SYNE1: variants seen among roughly 807,000 people sequenced by gnomAD.
The protein encoded by SYNE1 is nesprin-1.
A neutral mutation model predicts 1,111.0 loss-of-function variants in SYNE1; 616 were observed. The ratio of observed to expected loss-of-function variants is 0.55; its 90% CI spans 0.52 to 0.59. The LOEUF is 0.59. Among genes scored for constraint, SYNE1 ranks in the 20% least tolerant of loss-of-function variants. The pLI, the probability that SYNE1 is intolerant of heterozygous loss-of-function variation, is 0.00. For missense variants in SYNE1, 10,006 were observed against 10,417.0 expected, an observed-to-expected ratio of 0.96 and a Z score of 1.72; for synonymous variants, 3,855 against 3,825.8, an observed-to-expected ratio of 1.01 and a Z score of -0.28.
chr6:152,396,740 G>A (rs1171500476), intron 50 of SYNE1, 35 bp downstream of exon 50: 1 of 1,578,180 alleles, frequency 6.3e-7, no homozygotes, highest in Non-Finnish European at 8.7e-7. Context: ...CACACTTGGT[G>A]TATGATGAAA....
rs1313738847 is a variant in SYNE1 at position 152,316,958 on chromosome 6, T to G, written c.16601A>C (p.Glu5534Ala). The change falls in exon 87 of 146, where the codon GAA becomes GCA. Residue 5534 changes from glutamate to alanine, a missense_variant. Around this residue, in one of 7 missense-constraint regions of SYNE1, gnomAD observed 4,955 missense variants for 5,017.2 expected, o/e 0.99. Coordinates refer to ENST00000367255, the MANE Select transcript of SYNE1 (RefSeq NM_182961.4). ...CCACTTCAAAATTAATTCAAGCATT[T>G]CATTGTATTCTTCTAAATGTGATGC... ...QAASHLEEYN[E>A]MLELILKWIE... 5 of 1,614,006 alleles carry G rather than the reference T, an allele frequency of 3.1e-6. No homozygotes were observed. In the East Asian group the frequency reaches 1.1e-4, roughly 36 times the overall value.
chr6:152,269,333 C>A (rs778061592), intron 98 of SYNE1, 47 bp from the exon 99 acceptor site: 1 of 1,613,038 alleles, frequency 6.2e-7, no homozygotes, highest in Non-Finnish European at 8.5e-7. Flanking sequence ...CACCGGAAAA[C>A]CTTAACCAAA....
chr6:152,447,287 A>T (rs1045608016), intron 29 of SYNE1, among the ~76,000 whole-genome samples, 171 bp downstream of exon 29: 2 of 152,306 alleles, frequency 1.3e-5, no homozygotes, highest in East Asian at 3.9e-4. Context: ...CATACATCAA[A>T]CATCCTCTTC....
chr6:152,250,134 C>T (rs998248126), intron 104 of SYNE1, among the ~76,000 whole-genome samples: 4 of 151,814 alleles, frequency 2.6e-5, no homozygotes, highest in African/African-American at 9.7e-5. Context: ...GACACAGTGG[C>T]ATGCCTGTAG....
At chr6:152,426,393 C>G (rs1416672775) in intron 38 of SYNE1, among the ~76,000 whole-genome samples, 1 of 152,138 alleles carries the variant, frequency 6.6e-6, no homozygotes, top group Non-Finnish European at 1.5e-5. Flanking sequence ...ATGCTGGGTA[C>G]AAGGGAAAGA....
chr6:152,329,113 A>C (rs2096173973), intron 78 of SYNE1, among the ~76,000 whole-genome samples: 1 of 152,250 alleles, frequency 6.6e-6, no homozygotes, highest in Non-Finnish European at 1.5e-5. Context: ...AATATTAATT[A>C]TGTTACTAAT....
chr6:152,475,272 A>G (rs1375939494), intron 14 of SYNE1, among the ~76,000 whole-genome samples: 4 of 152,218 alleles, frequency 2.6e-5, no homozygotes, highest in African/African-American at 9.6e-5. Context: ...TTATGTCCCA[A>G]TAAAACTCAT....
At chr6:152,314,675 A>G (rs1295993161) in intron 87 of SYNE1, among the ~76,000 whole-genome samples, 2 of 152,120 alleles carry the variant, frequency 1.3e-5, no homozygotes, top group Non-Finnish European at 1.5e-5. Context: ...TGTTTGTTGA[A>G]TAAATAAACA....
intron 101 of SYNE1, 105 bp from the exon 102 acceptor site, chr6:152,256,870 G>T: frequency 6.5e-7 from 1 of 1,537,510 alleles, no homozygotes; most frequent in Non-Finnish European, 8.9e-7. Flanking sequence ...CTGTCCATAT[G>T]AAAATTTCTT....
chr6:152,223,920 C>T (rs1257576563), intron 117 of SYNE1, among the ~76,000 whole-genome samples: 1 of 152,090 alleles, frequency 6.6e-6, no homozygotes, highest in Non-Finnish European at 1.5e-5. Context: ...TGACCTGAGA[C>T]AGGAGAGAGT....
intron 3 of SYNE1, among the ~76,000 whole-genome samples, chr6:152,560,244 T>C (rs766297352): frequency 2.0e-5 from 3 of 152,118 alleles, no homozygotes; most frequent in Non-Finnish European, 4.4e-5. Context: ...CATGCACCTA[T>C]AGTCCCAGCT....
chr6:152,241,139 A>G (rs2085536112), intron 107 of SYNE1, among the ~76,000 whole-genome samples: 1 of 152,166 alleles, frequency 6.6e-6, no homozygotes, highest in African/African-American at 2.4e-5. Context: ...ATTTATACTC[A>G]TTGATCCTAG....
intron 133 of SYNE1, 21 bp from the exon 134 acceptor site, chr6:152,152,162 A>G: frequency 6.2e-7 from 1 of 1,612,144 alleles, no homozygotes; most frequent in East Asian, 2.2e-5. Context: ...AGAGAAGCAT[A>G]TCAGTGTGAG....
At chr6:152,359,227 C>A in intron 65 of SYNE1, 88 bp downstream of exon 65, 1 of 1,571,710 alleles carries the variant, frequency 6.4e-7, no homozygotes, top group Non-Finnish European at 8.7e-7. Context: ...CCAAGCCTGT[C>A]ATTCTTGAAC....
intron 55 of SYNE1, among the ~76,000 whole-genome samples, chr6:152,382,163 A>G (rs2097429635): frequency 6.6e-6 from 1 of 152,178 alleles, no homozygotes; most frequent in South Asian, 2.1e-4. Context: ...CTCTTACTAA[A>G]ATTTTTCTTG....
Position 152,330,964 on chromosome 6 carries a change from G to A in SYNE1, c.13721C>T (p.Ala4574Val), listed in dbSNP as rs886042876. The A allele has an allele frequency of 3.1e-6, 5 of 1,614,052 alleles. No homozygotes were observed. Among genetic ancestry groups the A allele is most frequent in the African/African-American group, 1.3e-5 (1 of 74,930 alleles). Residue 4574 changes from alanine (A) to valine (V), a missense_variant, in exon 78 of 146, where the codon GCT becomes GTT. By Grantham distance (64) the Ala-to-Val change is moderately conservative (BLOSUM62 0). Coordinates refer to ENST00000367255, the MANE Select transcript of SYNE1 (RefSeq NM_182961.4). ...RKHFKEDFDK[A>V]CHWLKQADIV... is the part of the protein sequence containing the mutation. Reference sequence around the variant, plus strand: ...ATCTGCTTGTTTTAGCCAGTGGCAAGCTTTATCAAAATCTTCCTTAAAATG... The same window carrying A: ...ATCTGCTTGTTTTAGCCAGTGGCAAACTTTATCAAAATCTTCCTTAAAATG...
chr6:152,237,082 T>C, intron 108 of SYNE1, 134 bp from the exon 109 acceptor site: 1 of 1,244,424 alleles, frequency 8.0e-7, no homozygotes. Flanking sequence ...GGCCTTGCTT[T>C]GGGAAGCAAA....
At chr6:152,404,105 A>ATATATG in intron 46 of SYNE1, 108 bp downstream of exon 46, 1 of 501,812 alleles carries the variant, frequency 2.0e-6, no homozygotes. Flanking sequence ...GATATATGAG[A>ATATATG]TATATATATA....
chr6:152,224,256 T>G (rs2080936860), intron 117 of SYNE1, among the ~76,000 whole-genome samples: 1 of 152,208 alleles, frequency 6.6e-6, no homozygotes, highest in Non-Finnish European at 1.5e-5. Flanking sequence ...GTGAATATTT[T>G]TTTACAACAG....
Sources: gnomAD v4.1 joint callset for allele counts (sites outside exome capture counted in the v4.1 genomes callset) on GRCh38, gnomAD v4.1.1 for gene constraint, gnomAD v4.1.1 regional missense constraint, MANE v1.5 for transcripts, NCBI Gene and HGNC (gene_info 2026-07-23, HGNC 2026-07-21) for gene names.